USP33: variants seen among roughly 807,000 people sequenced by gnomAD.
USP33 encodes the protein ubiquitin carboxyl-terminal hydrolase 33.
A neutral mutation model predicts 124.2 loss-of-function variants in USP33; 46 were observed. That is an observed-to-expected ratio of 0.37 (90% confidence interval 0.29 to 0.47). USP33 has a LOEUF of 0.47. Ranked by LOEUF, USP33 falls within the 20% of genes least tolerant of loss-of-function variation. The pLI is 0.99. For missense variants in USP33, 851 were observed against 1,070.6 expected, an observed-to-expected ratio of 0.79 and a Z score of 2.86; for synonymous variants, 350 against 352.3, an observed-to-expected ratio of 0.99 and a Z score of 0.07.
chr1:77,730,074 T>C, intron 8 of USP33, 136 bp from the exon 9 acceptor site: 1 of 787,180 alleles, frequency 1.3e-6, no homozygotes, highest in Non-Finnish European at 2.0e-6. Flanking sequence ...CTGCCTAATA[T>C]TATGTTTCAC....
chr1:77,738,116 C>T (rs911661724), intron 5 of USP33, among the ~76,000 whole-genome samples: 1 of 152,062 alleles, frequency 6.6e-6, no homozygotes, highest in African/African-American at 2.4e-5. Flanking sequence ...ACTGAAAATG[C>T]AAGAAATTAT....
At chr1:77,719,490 A>G (rs1298779560) in intron 15 of USP33, among the ~76,000 whole-genome samples, 14 of 152,244 alleles carry the variant, frequency 9.2e-5, no homozygotes. Context: ...CCTTTAAAAC[A>G]TCTAGATATT....
intron 1 of USP33, among the ~76,000 whole-genome samples, chr1:77,743,044 G>A (rs373114308): frequency 6.6e-6 from 1 of 152,056 alleles, no homozygotes; most frequent in Non-Finnish European, 1.5e-5. Flanking sequence ...CCAGGTTCAA[G>A]TGATTCTCCT....
intron 7 of USP33, 21 bp from the exon 8 acceptor site, chr1:77,730,752 A>ATT (rs751392436): frequency 2.0e-6 from 3 of 1,522,792 alleles, no homozygotes; most frequent in Non-Finnish European, 8.9e-7. Flanking sequence ...AAAGAGAAAA[A>ATT]TGTTAGAGTG....
chr1:77,749,187 T>G (rs1447038814), intron 1 of USP33, among the ~76,000 whole-genome samples: 3 of 152,246 alleles, frequency 2.0e-5, no homozygotes, highest in Non-Finnish European at 2.9e-5. Context: ...TGGTGTTTAC[T>G]CATTCCCAAT....
At chr1:77,756,730 T>C (rs556275069) in intron 1 of USP33, among the ~76,000 whole-genome samples, 1 of 152,218 alleles carries the variant, frequency 6.6e-6, no homozygotes, top group East Asian at 1.9e-4. Context: ...TTTTCCTCCT[T>C]CTCTGATTCT....
At chr1:77,720,299 C>G (rs1454079634) in intron 15 of USP33, 2 of 982,060 alleles carry the variant, frequency 2.0e-6, no homozygotes, top group Middle Eastern at 5.2e-4. Flanking sequence ...GAGGTAGATG[C>G]AAGGTTCTTT....
At chr1:77,705,675 A>C (rs1674545240) in intron 21 of USP33, among the ~76,000 whole-genome samples, 2 of 152,068 alleles carry the variant, frequency 1.3e-5, no homozygotes, top group Admixed American at 1.3e-4. Flanking sequence ...TTTAAAAAAA[A>C]AAAAAAAATT....
At chr1:77,715,557 G>C (rs1030068805) in intron 18 of USP33, among the ~76,000 whole-genome samples, 185 bp downstream of exon 18, 4 of 152,194 alleles carry the variant, frequency 2.6e-5, no homozygotes, top group African/African-American at 7.2e-5. Context: ...TCAAGTAAAT[G>C]ATTTAGCATT....
In USP33 at chr1:77,702,141, C is replaced by CAAAAAAAAAA. The variant is rs58750531; in HGVS notation, c.2407-680_2407-671dup. Among the ~76,000 whole-genome samples, 25 of 15,784 alleles carry CAAAAAAAAAA rather than the reference C, an allele frequency of 1.6e-3. 7 individuals are homozygous for CAAAAAAAAAA. Among genetic ancestry groups the CAAAAAAAAAA allele is most frequent in the Admixed American group, 7.3e-3 (5 of 682 alleles). 10.4% of individuals were successfully genotyped at this position (15,784 alleles called of 152,430 possible). On this transcript the variant is annotated intron_variant, in intron 21 of 23. Transcript: ENST00000370794. ...TGGGTGACAGAACAAGACCCTGTCTCAAAAAAAAAAAAAAAAAAAAAAAAA... is the reference window on the plus strand; with the variant it reads ...TGGGTGACAGAACAAGACCCTGTCTCAAAAAAAAAAAAAAAAAAAAAAAAAAAAAAAAAAA...
intron 7 of USP33, among the ~76,000 whole-genome samples, chr1:77,731,676 T>C (rs1357468985): frequency 1.3e-5 from 2 of 151,958 alleles, no homozygotes; most frequent in Non-Finnish European, 2.9e-5. Context: ...CAGCCACCAA[T>C]AGTGTAATCG....
intron 17 of USP33, among the ~76,000 whole-genome samples, chr1:77,716,823 C>T (rs912270855): frequency 1.3e-4 from 20 of 151,990 alleles, no homozygotes; most frequent in African/African-American, 1.9e-4. Flanking sequence ...AGCCTGACTG[C>T]GCCCCCACAA....
rs1402926595 is a variant in USP33, at chr1:77,701,355, A to G, written c.2509+14T>C. ...ATAATTTACCAAAAAAAAATTTTTC[A>G]GTCAACCACTTACCTCCATCTTTAC... On this transcript the variant is annotated intron_variant, in intron 22 of 23. Coordinates refer to ENST00000370794, the MANE Select transcript of USP33 (RefSeq NM_201624.3). 1.3e-5 allele frequency: 21 copies of G among 1,570,422 alleles called. No individual in the cohort carries two copies. Among genetic ancestry groups the G allele is most frequent in the Non-Finnish European group, 1.7e-5 (20 of 1,164,374 alleles).
chr1:77,752,940 G>A (rs1030348489), intron 1 of USP33, among the ~76,000 whole-genome samples: 4 of 151,988 alleles, frequency 2.6e-5, no homozygotes, highest in African/African-American at 4.8e-5. Flanking sequence ...TTAGCAGGGC[G>A]TGGTGGTGTG....
In USP33 at chr1:77,701,461, G is replaced by T. The variant is rs963935120; in HGVS notation, c.2417C>A (p.Ala806Glu). The part of the protein sequence containing the change: ...ELEIFIRLNR[A>E]FQKEDSPATF... ...AGCTGGAGAGTCCTCTTTTTGGAAC[G>T]CTCTGTTAAGCTACAAGGGGGAAAA... Residue 806 changes from alanine (A) to glutamate (E), a missense_variant, in exon 22 of 24, where the codon GCG (alanine) becomes GAG (glutamate). Physicochemically the swap from Ala to Glu is moderately radical, Grantham distance 107. This residue lies in a region of USP33 where 142 missense variants were observed against 141.8 expected (regional missense o/e 1.00). Coordinates refer to ENST00000370794, the MANE Select transcript of USP33 (RefSeq NM_201624.3). 1 of 1,610,542 alleles carries T rather than the reference G, an allele frequency of 6.2e-7. No homozygotes were observed.
At chr1:77,749,000 C>T (rs1203758129) in intron 1 of USP33, among the ~76,000 whole-genome samples, 1 of 152,008 alleles carries the variant, frequency 6.6e-6, no homozygotes, top group Admixed American at 6.6e-5. Flanking sequence ...TTTTTCAAAC[C>T]TTTCATGGGG....
chr1:77,729,390 G>A (rs1418437773), intron 9 of USP33, among the ~76,000 whole-genome samples: 2 of 142,582 alleles, frequency 1.4e-5, no homozygotes, highest in East Asian at 4.0e-4. Context: ...AAAAAAAAAA[G>A]GCTGAGTACA....
chr1:77,758,314 G>A (rs1217229632), intron 1 of USP33, among the ~76,000 whole-genome samples: 1 of 151,294 alleles, frequency 6.6e-6, no homozygotes, highest in Admixed American at 6.6e-5. Flanking sequence ...CCAAGTAGCT[G>A]GGACTACAGG....
intron 18 of USP33, 103 bp downstream of exon 18, chr1:77,715,639 A>C: frequency 7.5e-7 from 1 of 1,339,746 alleles, no homozygotes; most frequent in South Asian, 1.5e-5. Flanking sequence ...GGAGGAAAAC[A>C]ATTCCTAATC....
Sources: allele counts gnomAD v4.1 joint callset (sites outside exome capture counted in the v4.1 genomes callset), GRCh38; gene constraint gnomAD v4.1.1; regional missense constraint gnomAD v4.1.1; transcripts MANE v1.5; gene names NCBI Gene and HGNC (gene_info 2026-07-23, HGNC 2026-07-21).